Variants in ACAP2 observed in about 807,000 individuals in gnomAD.
ACAP2 encodes the protein ArfGAP with coiled-coil, ankyrin repeat and PH domains 2, also known as arf-GAP with coiled-coil, ANK repeat and PH domain-containing protein 2.
ACAP2 carries 39 observed loss-of-function variants against 115.8 expected under a neutral mutation model. The ratio of observed to expected loss-of-function variants is 0.34; its 90% confidence interval spans 0.26 to 0.44. ACAP2 has a LOEUF of 0.44. Ranked by LOEUF, ACAP2 falls within the 20% of genes least tolerant of loss-of-function variation. The probability of loss-of-function intolerance (pLI) is 1.00; values close to 1 mark genes in which losing one functional copy is unlikely to be tolerated. For synonymous variants in ACAP2, 289 were observed against 315.8 expected (o/e 0.92, Z 0.90); for missense variants, 662 against 927.6 (o/e 0.71, Z 3.72).
intron 1 of ACAP2, among the ~76,000 whole-genome samples, chr3:195,401,719 T>C (rs1317190092): frequency 3.9e-5 from 6 of 152,102 alleles, no homozygotes; most frequent in African/African-American, 1.4e-4. Flanking sequence ...GAGAAAAGCA[T>C]TGAGTACATA....
intron 1 of ACAP2, among the ~76,000 whole-genome samples, chr3:195,433,027 C>T (rs1027515395): frequency 5.9e-5 from 9 of 152,072 alleles, no homozygotes; most frequent in African/African-American, 2.2e-4. Flanking sequence ...TTTGTGGATT[C>T]CTTAGCATTT....
chr3:195,393,539 T>C (rs1233983909), intron 1 of ACAP2, among the ~76,000 whole-genome samples: 1 of 150,528 alleles, frequency 6.6e-6, no homozygotes, highest in Non-Finnish European at 1.5e-5. Context: ...TGCTGCACTC[T>C]GTAGCACAGA....
chr3:195,325,414 A>ATTTTTT (rs746254101), intron 9 of ACAP2: 21 of 321,590 alleles, frequency 6.5e-5, no homozygotes, highest in East Asian at 3.0e-4. Context: ...TAGTGGACTG[A>ATTTTTT]TTTTTTTTTT....
At chr3:195,292,573 A>C (rs12491736) in intron 18 of ACAP2, 121 bp from the exon 19 acceptor site, 22,257 of 893,446 alleles carry the variant, frequency 0.025, 754 homozygotes, top group South Asian at 0.098. Context: ...GAATGGCAGT[A>C]AAGATAGCAC....
At chr3:195,379,370 AAAAG>A (rs1475562777) in intron 4 of ACAP2, among the ~76,000 whole-genome samples, 1 of 152,230 alleles carries the variant, frequency 6.6e-6, no homozygotes, top group Admixed American at 6.5e-5. Flanking sequence ...AAGAAAGTAA[AAAAG>A]AAAACCTACA....
chr3:195,338,416 A>G (rs1730655968), intron 6 of ACAP2, among the ~76,000 whole-genome samples: 1 of 152,008 alleles, frequency 6.6e-6, no homozygotes, highest in Admixed American at 6.6e-5. Flanking sequence ...GCCCCCAGCA[A>G]TGCTCCCATC....
At chr3:195,297,431 C>A in intron 15 of ACAP2, 150 bp from the exon 16 acceptor site, 3 of 612,586 alleles carry the variant, frequency 4.9e-6, no homozygotes, top group Non-Finnish European at 8.4e-6. Flanking sequence ...TATGTTAAAA[C>A]AAAATGAGAC....
chr3:195,424,915 TAAAAAAAAA>T (rs34038109), intron 1 of ACAP2, among the ~76,000 whole-genome samples: 17,206 of 54,956 alleles, frequency 0.31, 2,139 homozygotes, highest in East Asian at 0.75. Flanking sequence ...GACCCTGTCT[TAAAAAAAAA>T]AAAAAAAAAA....
chr3:195,442,577 T>A (rs1266058420), intron 1 of ACAP2, among the ~76,000 whole-genome samples: 1 of 150,674 alleles, frequency 6.6e-6, no homozygotes, highest in East Asian at 2.0e-4. Flanking sequence ...AGGAAAGAAA[T>A]GAGAGGCGAC....
At chr3:195,331,218 C>CA (rs1252194061) in intron 8 of ACAP2, among the ~76,000 whole-genome samples, 1 of 152,050 alleles carries the variant, frequency 6.6e-6, no homozygotes, top group African/African-American at 2.4e-5. Flanking sequence ...ATACACCCTA[C>CA]ATGTCTTTCC....
chr3:195,396,959 T>C (rs1434149780), intron 1 of ACAP2, among the ~76,000 whole-genome samples: 2 of 150,714 alleles, frequency 1.3e-5, no homozygotes, highest in South Asian at 2.1e-4. Context: ...TTAGGTCACA[T>C]GGTGATGCAA....
At position 195,345,111 on chromosome 3, in the gene ACAP2, G is replaced by A. The variant is rs1222048234; in HGVS notation, c.344+148C>T. 12 of 651,740 alleles carry A rather than the reference G, an allele frequency of 1.8e-5. 1 individual carries two copies. The highest frequency in any genetic ancestry group is 2.7e-6 in the Non-Finnish European group (1 of 365,254). The allele number at this position is 651,740 out of a possible 1,614,324, so 40.4% of individuals were successfully genotyped here. A position where few individuals can be genotyped will look rare whatever the true frequency, so the allele number is the denominator to read the frequency against. ...TCTAATTTACTTATAGAGTAATTTA[G>A]GAAGAAATGCAGCATGCATTTCACA... On this transcript the variant is annotated intron_variant, in intron 5 of 22. Coordinates refer to ENST00000326793, the MANE Select transcript of ACAP2 (RefSeq NM_012287.6).
rs746057432 is a variant in ACAP2, at chr3:195,342,674, G to A, written c.345-20C>T. On this transcript the variant is annotated intron_variant, in intron 5 of 22. Transcript: ENST00000326793. ...AGATCTCTAAGAAAAGAAAAACTTA[G>A]TGAAACTTTTATAACTTGCTTCATT... 1 of 1,570,954 alleles carries A rather than the reference G, an allele frequency of 6.4e-7. No individual in the cohort carries two copies. The highest frequency in any genetic ancestry group is 2.2e-5 in the East Asian group (1 of 44,562).
At chr3:195,389,437 T>A (rs908142509) in intron 2 of ACAP2, among the ~76,000 whole-genome samples, 4 of 152,242 alleles carry the variant, frequency 2.6e-5, no homozygotes, top group Non-Finnish European at 5.9e-5. Context: ...TTCTACCTTA[T>A]TACCTTACTC....
At chr3:195,401,196 G>A (rs1712261971) in intron 1 of ACAP2, among the ~76,000 whole-genome samples, 1 of 152,090 alleles carries the variant, frequency 6.6e-6, no homozygotes, top group South Asian at 2.1e-4. Context: ...GCCTTGCAGG[G>A]TTCTCTCCAC....
intron 15 of ACAP2, among the ~76,000 whole-genome samples, chr3:195,300,111 A>T (rs1727950229): frequency 7.0e-6 from 1 of 142,658 alleles, no homozygotes; most frequent in Non-Finnish European, 1.5e-5. Context: ...CAGTGGTGCG[A>T]TCTCGGCTCA....
At chr3:195,346,453 G>C (rs1319960327) in intron 4 of ACAP2, among the ~76,000 whole-genome samples, 1 of 152,120 alleles carries the variant, frequency 6.6e-6, no homozygotes, top group African/African-American at 2.4e-5. Context: ...ATATTAAAAA[G>C]GTAATCTGTG....
At chr3:195,386,927 A>G (rs969654824) in intron 2 of ACAP2, among the ~76,000 whole-genome samples, 3 of 152,210 alleles carry the variant, frequency 2.0e-5, no homozygotes, top group African/African-American at 4.8e-5. Context: ...AGAAAGTAGG[A>G]TATCAGCATT....
chr3:195,403,204 G>T (rs142447677), intron 1 of ACAP2, among the ~76,000 whole-genome samples: 3 of 152,304 alleles, frequency 2.0e-5, no homozygotes, highest in Admixed American at 6.5e-5. Context: ...CAACATTCCT[G>T]GAACGTTCAA....
Sources: gnomAD v4.1 joint callset for allele counts (sites outside exome capture counted in the v4.1 genomes callset) on GRCh38, gnomAD v4.1.1 for gene constraint, MANE v1.5 for transcripts, NCBI Gene and HGNC (gene_info 2026-07-23, HGNC 2026-07-21) for gene names.